The following GLT8D2 variants were observed in gnomAD, a reference collection of about 807,000 sequenced individuals.
The protein encoded by GLT8D2 is glycosyltransferase 8 domain-containing protein 2.
In GLT8D2, 45 loss-of-function variants were observed where a neutral mutation model predicts 44.5. The observed-to-expected ratio is 1.01, with a 90% CI of 0.80 to 1.30. The LOEUF (loss-of-function observed/expected upper bound fraction) is 1.30, where lower values mean the gene tolerates loss of function less well. GLT8D2 is among the 50% of genes most tolerant of loss of function. GLT8D2 has a pLI of 0.00. For missense variants in GLT8D2, 400 were observed against 430.4 expected, an observed-to-expected ratio of 0.93 and a Z score of 0.62; for synonymous variants, 156 against 157.2, an observed-to-expected ratio of 0.99 and a Z score of 0.06.
intron 1 of GLT8D2, among the ~76,000 whole-genome samples, chr12:104,045,367 G>A (rs1880971974): frequency 6.6e-6 from 1 of 152,140 alleles, no homozygotes; most frequent in Non-Finnish European, 1.5e-5. Context: ...TTTCTCTGTG[G>A]TAATAAATAG....
intron 1 of GLT8D2, among the ~76,000 whole-genome samples, chr12:104,041,367 T>C (rs964757585): frequency 3.3e-5 from 5 of 152,124 alleles, no homozygotes; most frequent in African/African-American, 7.2e-5. Flanking sequence ...TCGGCCAAGA[T>C]CGCACCATTG....
chr12:104,002,563 T>A (rs964475542), intron 5 of GLT8D2, among the ~76,000 whole-genome samples: 1 of 152,234 alleles, frequency 6.6e-6, no homozygotes, highest in African/African-American at 2.4e-5. Flanking sequence ...TTTACAATTA[T>A]CTTTCATTTT....
At chr12:104,050,971 C>T (rs901215778), upstream of GLT8D2, among the ~76,000 whole-genome samples, 1 of 152,184 alleles carries the variant, frequency 6.6e-6, no homozygotes, top group South Asian at 2.1e-4. Flanking sequence ...CCCACCACTA[C>T]ACCCAGCTAA....
intron 4 of GLT8D2, among the ~76,000 whole-genome samples, chr12:104,008,950 G>A (rs1875455571): frequency 6.6e-6 from 1 of 152,272 alleles, no homozygotes; most frequent in Admixed American, 6.5e-5. Context: ...CATTTCAGAA[G>A]ATGTATGGAA....
At chr12:104,051,558 CA>C (rs1881731523), upstream of GLT8D2, among the ~76,000 whole-genome samples, 1 of 152,066 alleles carries the variant, frequency 6.6e-6, no homozygotes, top group African/African-American at 2.4e-5. Context: ...CTGTAATTAG[CA>C]TATCTATAAT....
chr12:104,047,096 T>G (rs1881231713), intron 1 of GLT8D2, among the ~76,000 whole-genome samples: 1 of 152,170 alleles, frequency 6.6e-6, no homozygotes, highest in Admixed American at 6.5e-5. Flanking sequence ...CCCAAAGTGC[T>G]GTGATTACAG....
chr12:104,031,526 G>A (rs1329251344), intron 1 of GLT8D2: 2 of 1,612,390 alleles, frequency 1.2e-6, no homozygotes, highest in South Asian at 1.1e-5. Context: ...GGCTGCCCAG[G>A]GCAAGGCCAA....
chr12:104,029,697 A>G (rs1181749566), intron 1 of GLT8D2: 1 of 152,308 alleles, frequency 6.6e-6, no homozygotes, highest in East Asian at 1.9e-4. Flanking sequence ...AGTACTTACA[A>G]CAGTACTTGG....
At chr12:104,030,393 TTAA>T (rs1245291888) in intron 1 of GLT8D2, among the ~76,000 whole-genome samples, 1 of 151,902 alleles carries the variant, frequency 6.6e-6, no homozygotes, top group African/African-American at 2.4e-5. Context: ...ATTTATTAAT[TTAA>T]TAATAACATA....
At chr12:104,020,632 G>C (rs1371307763) in intron 2 of GLT8D2, among the ~76,000 whole-genome samples, 1 of 152,212 alleles carries the variant, frequency 6.6e-6, no homozygotes, top group Non-Finnish European at 1.5e-5. Context: ...CAAAGGAGAT[G>C]TTGGGATAAA....
intron 1 of GLT8D2, among the ~76,000 whole-genome samples, chr12:104,058,022 C>T (rs527257463): frequency 6.6e-6 from 1 of 152,328 alleles, no homozygotes; most frequent in African/African-American, 2.4e-5. Flanking sequence ...TGCTGCTGAA[C>T]AGCCACTATG....
intron 4 of GLT8D2, among the ~76,000 whole-genome samples, chr12:104,014,553 G>A (rs1876308751): frequency 6.6e-6 from 1 of 152,076 alleles, no homozygotes; most frequent in Admixed American, 6.6e-5. Context: ...GAGTTATGAG[G>A]CTGACTTGCA....
intron 1 of GLT8D2, among the ~76,000 whole-genome samples, chr12:104,027,177 C>A (rs929250903): frequency 3.3e-5 from 5 of 152,142 alleles, no homozygotes; most frequent in African/African-American, 1.2e-4. Flanking sequence ...TGGCAATGAC[C>A]CTTCTCCTCT....
In GLT8D2 at chr12:104,015,437, A is replaced by AC. The variant is rs1373206430; in HGVS notation, c.20-333_20-332insG. 3.4e-3 allele frequency among the ~76,000 whole-genome samples: 272 copies of AC among 81,010 alleles called. 3 individuals are homozygous for AC. Among genetic ancestry groups the AC allele is most frequent in the African/African-American group, 9.4e-3 (267 of 28,354 alleles). 53.1% of individuals were successfully genotyped at this position (81,010 alleles called of 152,430 possible). ...ACACACACACACACACACACACACA[A>AC]ATTAGCTGGGCGTGGTGGCATGCAC... On this transcript the variant is annotated intron_variant, in intron 3 of 10. Coordinates refer to ENST00000360814, the MANE Select transcript of GLT8D2 (RefSeq NM_001384711.1).
intron 4 of GLT8D2, among the ~76,000 whole-genome samples, chr12:104,005,778 G>A (rs1874913878): frequency 6.6e-6 from 1 of 152,208 alleles, no homozygotes; most frequent in Admixed American, 6.5e-5. Flanking sequence ...CTTTTACACT[G>A]TTGGTGGAAC....
intron 4 of GLT8D2, among the ~76,000 whole-genome samples, chr12:104,007,192 TC>T (rs1219129169): frequency 2.7e-5 from 4 of 148,300 alleles, no homozygotes; most frequent in Non-Finnish European, 5.9e-5. Flanking sequence ...AGCAGAGTAT[TC>T]AGTATCCACT....
intron 6 of GLT8D2, 85 bp from the exon 7 acceptor site, chr12:103,997,620 C>A: frequency 2.2e-6 from 2 of 920,528 alleles, no homozygotes; most frequent in Admixed American, 1.8e-5. Context: ...CGGCTTTGAC[C>A]ATGGCCTCAG....
At chr12:104,043,026 G>A (rs1386353089) in intron 1 of GLT8D2, among the ~76,000 whole-genome samples, 1 of 152,164 alleles carries the variant, frequency 6.6e-6, no homozygotes, top group African/African-American at 2.4e-5. Flanking sequence ...TCCTCACTAG[G>A]GTTGAGGCAT....
In GLT8D2 at chr12:103,997,457, C is replaced by A; in HGVS notation, c.481G>T (p.Val161Leu). Residue 161 changes from valine to leucine, a missense_variant, in exon 7 of 11, where the codon GTA becomes TTA. Transcript: ENST00000360814. Reference sequence around the variant, plus strand: ...TGGCAGTTAGCGAGAGTACCTTGTACAATTACATCATCGTCCAAATAGATG... The same window carrying A: ...TGGCAGTTAGCGAGAGTACCTTGTAAAATTACATCATCGTCCAAATAGATG... The part of the protein sequence containing the change: ...KVIYLDDDVI[V>L]QGDIQELYDT... 1 of 1,609,950 alleles carries A rather than the reference C, an allele frequency of 6.2e-7. No individual in the cohort carries two copies. Among genetic ancestry groups the A allele is most frequent in the Middle Eastern group, 1.7e-4 (1 of 6,052 alleles).
Sources: allele counts gnomAD v4.1 joint callset (sites outside exome capture counted in the v4.1 genomes callset), GRCh38; gene constraint gnomAD v4.1.1; transcripts MANE v1.5; gene names NCBI Gene and HGNC (gene_info 2026-07-23, HGNC 2026-07-21).